The following EPM2A variants were observed in gnomAD, a reference collection of about 807,000 sequenced individuals.
EPM2A encodes the protein EPM2A glucan phosphatase, laforin.
A neutral mutation model predicts 26.5 loss-of-function variants in EPM2A; 21 were observed. The observed-to-expected ratio is 0.79, with a 90% CI of 0.56 to 1.14. The LOEUF is 1.14. Ranked by LOEUF, EPM2A falls within the 50% of genes most tolerant of loss-of-function variation. EPM2A has a pLI of 0.00. For missense variants in EPM2A, 458 were observed against 440.8 expected (o/e 1.04, Z -0.35); for synonymous variants, 217 against 177.6 (o/e 1.22, Z -1.76).
chr6:145,704,803 CT>C (rs1480443778), intron 1 of EPM2A, among the ~76,000 whole-genome samples: 5 of 152,214 alleles, frequency 3.3e-5, no homozygotes, highest in Non-Finnish European at 7.3e-5. Context: ...TATTAATATT[CT>C]TAGAAGACTT....
chr6:145,591,206 G>A (rs539396794), intron 2 of EPM2A, among the ~76,000 whole-genome samples: 4 of 152,050 alleles, frequency 2.6e-5, no homozygotes, highest in African/African-American at 9.6e-5. Flanking sequence ...AAGAACTATA[G>A]CAAATTTCAA....
chr6:145,555,460 C>G (rs910228683), intron 2 of EPM2A, among the ~76,000 whole-genome samples: 1 of 151,964 alleles, frequency 6.6e-6, no homozygotes, highest in African/African-American at 2.4e-5. Flanking sequence ...CCATCTTTGA[C>G]AAGAAAATCA....
Sources: allele counts gnomAD v4.1 joint callset (sites outside exome capture counted in the v4.1 genomes callset), GRCh38; gene constraint gnomAD v4.1.1; transcripts MANE v1.5; gene names NCBI Gene and HGNC (gene_info 2026-07-23, HGNC 2026-07-21).